The following GINS2 variants were observed in gnomAD, a reference collection of about 807,000 sequenced individuals.
GINS2 encodes DNA replication complex GINS protein PSF2.
In GINS2, 23 loss-of-function variants were observed where a neutral mutation model predicts 21.2. The observed-to-expected ratio is 1.08, with a 90% CI of 0.78 to 1.53. The LOEUF (loss-of-function observed/expected upper bound fraction) is 1.53, where lower values mean the gene tolerates loss of function less well. Ranked by LOEUF, GINS2 falls within the 40% of genes most tolerant of loss-of-function variation. GINS2 has a pLI of 0.00. For missense variants in GINS2, 323 were observed against 233.9 expected (o/e 1.38, Z -2.49); for synonymous variants, 118 against 85.6 (o/e 1.38, Z -2.09).
rs1204677746 is a variant in GINS2 at position 85,676,668 on chromosome 16, C to T, written c.*1544G>A. ...TCTCAGAGCTCCCCAGACAGCACCC[C>T]ACTGCTTTTGGCCCACTGGTGTCCA... is the stretch of plus-strand genomic sequence containing the variant. On this transcript the variant is annotated 3_prime_UTR_variant, in exon 5 of 5. Transcript: ENST00000253462. 2.0e-5 allele frequency: 3 copies of T among 152,228 alleles called. No homozygotes were observed. Among genetic ancestry groups the T allele is most frequent in the South Asian group, 2.1e-4 (1 of 4,832 alleles). 9.4% of individuals were successfully genotyped at this position (152,228 alleles called of 1,614,324 possible). A position where few individuals can be genotyped will look rare whatever the true frequency, so the allele number is the denominator to read the frequency against.
Position 85,678,014 on chromosome 16 carries a change from A to G in GINS2, c.*198T>C, listed in dbSNP as rs903723793. 1.6e-5 allele frequency: 8 copies of G among 510,586 alleles called. 1 individual carries two copies. In the East Asian group the frequency reaches 1.7e-4, roughly 11 times the overall value. The allele number at this position is 510,586 out of a possible 1,614,324, so 31.6% of individuals were successfully genotyped here. A position where few individuals can be genotyped will look rare whatever the true frequency, so the allele number is the denominator to read the frequency against. ...GCTGGTTTCTAGAAACAGATGTGGA[A>G]TTGAAGAATGTCCCAGGGAGCTAAG... On this transcript the variant is annotated 3_prime_UTR_variant, in exon 5 of 5. Transcript: ENST00000253462.
chr16:85,682,330 AT>A (rs1770804526), intron 2 of GINS2, among the ~76,000 whole-genome samples: 1 of 152,150 alleles, frequency 6.6e-6, no homozygotes, highest in East Asian at 1.9e-4. Flanking sequence ...CTTTGATGCA[AT>A]AAGTGATCAA....
intron 3 of GINS2, among the ~76,000 whole-genome samples, chr16:85,681,258 G>A (rs911238615): frequency 5.3e-5 from 8 of 152,364 alleles, no homozygotes; most frequent in African/African-American, 9.6e-5. Context: ...TGAGATGCTG[G>A]TGGCTCACAC....
intron 1 of GINS2, among the ~76,000 whole-genome samples, chr16:85,688,495 G>A (rs1006922844): frequency 3.9e-5 from 6 of 152,176 alleles, no homozygotes; most frequent in Non-Finnish European, 8.8e-5. Flanking sequence ...GCAGTGAGCC[G>A]AGACGGCACC....
chr16:85,678,817 T>TA, intron 3 of GINS2, 151 bp from the exon 4 acceptor site: 1 of 743,646 alleles, frequency 1.3e-6, no homozygotes, highest in Non-Finnish European at 2.2e-6. Flanking sequence ...TGTAAAGATT[T>TA]GTAGCAGTTA....
intron 4 of GINS2, 87 bp from the exon 5 acceptor site, chr16:85,678,424 A>G (rs1293396093): frequency 2.6e-6 from 4 of 1,561,218 alleles, no homozygotes; most frequent in Non-Finnish European, 2.6e-6. Flanking sequence ...TAAGAAACCA[A>G]TGAACTGTTG....
At chr16:85,683,623 G>C (rs886311365) in intron 2 of GINS2, among the ~76,000 whole-genome samples, 1 of 152,152 alleles carries the variant, frequency 6.6e-6, no homozygotes, top group South Asian at 2.1e-4. Context: ...CAGTCCTTCA[G>C]CCAATCCTGC....
intron 3 of GINS2, among the ~76,000 whole-genome samples, chr16:85,680,122 T>A (rs546714456): frequency 6.6e-6 from 1 of 152,302 alleles, no homozygotes; most frequent in Admixed American, 6.5e-5. Context: ...AGATTCACTA[T>A]AGGCTCCCAG....
intron 2 of GINS2, among the ~76,000 whole-genome samples, chr16:85,684,833 G>C (rs1391971150): frequency 1.3e-5 from 2 of 151,314 alleles, no homozygotes; most frequent in African/African-American, 4.9e-5. Flanking sequence ...TATCTCCCAG[G>C]CTGGAGTACA....
chr16:85,678,418 A>T, intron 4 of GINS2, 81 bp from the exon 5 acceptor site: 1 of 1,565,980 alleles, frequency 6.4e-7, no homozygotes, highest in Non-Finnish European at 8.8e-7. Context: ...TAAAAATAAG[A>T]AACCAATGAA....
intron 2 of GINS2, among the ~76,000 whole-genome samples, chr16:85,683,874 C>G (rs2053753868): frequency 1.3e-5 from 2 of 152,182 alleles, no homozygotes; most frequent in African/African-American, 4.8e-5. Context: ...ACAATGGGAA[C>G]TCATATTTCT....
chr16:85,677,344 G>C lies in GINS2; in HGVS notation c.*868C>G, dbSNP rs1205020408. 1 of 152,142 alleles carries C rather than the reference G, an allele frequency of 6.6e-6. No homozygotes were observed. Among genetic ancestry groups the C allele is most frequent in the African/African-American group, 2.4e-5 (1 of 41,420 alleles). The allele number at this position is 152,142 out of a possible 1,614,324, so 9.4% of individuals were successfully genotyped here. The stretch of plus-strand genomic sequence containing the variant: ...TTAGGAAAAAAATAATTTCCCCTGA[G>C]CCCACTGTTACCTACAACAAAGAAT... On this transcript the variant is annotated 3_prime_UTR_variant, in exon 5 of 5. Transcript: ENST00000253462.
rs1567789812 is a variant in GINS2, at chr16:85,678,035, C to G, written c.*177G>C. 1.9e-5 allele frequency: 11 copies of G among 576,086 alleles called. No individual in the cohort carries two copies. The highest frequency in any genetic ancestry group is 3.4e-5 in the Non-Finnish European group (11 of 326,832). The allele number at this position is 576,086 out of a possible 1,614,324, so 35.7% of individuals were successfully genotyped here. ...TGGAATTGAAGAATGTCCCAGGGAG[C>G]TAAGTTTTAAGGACTAATCACAAAC... is the stretch of plus-strand genomic sequence containing the variant. On this transcript the variant is annotated 3_prime_UTR_variant, in exon 5 of 5. Transcript: ENST00000253462.
chr16:85,681,374 CAGAA>C (rs911213806), intron 3 of GINS2, among the ~76,000 whole-genome samples: 1 of 152,172 alleles, frequency 6.6e-6, no homozygotes, highest in Non-Finnish European at 1.5e-5. Context: ...AAAGAACAGA[CAGAA>C]AGACACACAG....
chr16:85,686,432 A>G (rs981632174), intron 2 of GINS2, among the ~76,000 whole-genome samples: 27 of 150,208 alleles, frequency 1.8e-4, no homozygotes, highest in Non-Finnish European at 3.0e-4. Flanking sequence ...AAAAAAAAAA[A>G]GTATACAAGT....
At chr16:85,685,810 C>T (rs1177496858) in intron 2 of GINS2, among the ~76,000 whole-genome samples, 1 of 151,870 alleles carries the variant, frequency 6.6e-6, no homozygotes, top group Non-Finnish European at 1.5e-5. Context: ...AAACGGACCC[C>T]AGAGTGGCTG....
At chr16:85,681,434 C>T (rs569608038) in intron 3 of GINS2, 148 bp downstream of exon 3, 22 of 607,258 alleles carry the variant, frequency 3.6e-5, no homozygotes, top group Non-Finnish European at 6.5e-5. Context: ...CAGATGACCT[C>T]ATGGTCACTG....
intron 1 of GINS2, 51 bp downstream of exon 1, chr16:85,688,758 C>G (rs1358211296): frequency 5.0e-6 from 6 of 1,211,102 alleles, no homozygotes; most frequent in South Asian, 2.9e-5. Flanking sequence ...CGCGGGAGCC[C>G]CGGACGCGCC....
intron 2 of GINS2, among the ~76,000 whole-genome samples, chr16:85,685,685 A>AAAAAAAAAAAAAAAAAAAAAAACAAAC (rs56405044): frequency 8.3e-6 from 1 of 120,900 alleles, no homozygotes; most frequent in Non-Finnish European, 1.9e-5. Flanking sequence ...AAAAAAAAAA[A>AAAAAAAAAAAAAAAAAAAAAAACAAAC]AAAAAACCGT....
Sources: allele counts gnomAD v4.1 joint callset (sites outside exome capture counted in the v4.1 genomes callset), GRCh38; gene constraint gnomAD v4.1.1; transcripts MANE v1.5; gene names NCBI Gene and HGNC (gene_info 2026-07-23, HGNC 2026-07-21).